The following SLC2A6 variants were observed in gnomAD, a reference collection of about 807,000 sequenced individuals.
SLC2A6 encodes solute carrier family 2 member 6, also known as solute carrier family 2, facilitated glucose transporter member 6.
In SLC2A6, 39 loss-of-function variants were observed where a neutral mutation model predicts 47.8. That is an observed-to-expected ratio of 0.82 (90% CI 0.63 to 1.07). The LOEUF is 1.07. Ranked by LOEUF, SLC2A6 falls within the 50% of genes least tolerant of loss-of-function variation. The pLI, the probability that SLC2A6 is intolerant of heterozygous loss-of-function variation, is 0.00. For missense variants in SLC2A6, 650 were observed against 707.6 expected (o/e 0.92, Z 0.92); for synonymous variants, 346 against 324.1 (o/e 1.07, Z -0.73).
In SLC2A6 at chr9:133,479,060, G is replaced by A. The variant is rs892829170; in HGVS notation, c.-1C>T. The A allele has an allele frequency of 6.3e-7, 1 of 1,594,668 alleles. No homozygotes were observed. Among genetic ancestry groups the A allele is most frequent in the East Asian group, 2.3e-5 (1 of 43,686 alleles). On this transcript the variant is annotated 5_prime_UTR_variant, in exon 1 of 10. Coordinates refer to ENST00000371899, the MANE Select transcript of SLC2A6 (RefSeq NM_017585.4). ...CGGCTCCCAGCAGCGGCTCCTGCATGGCCGGGTCTCTCTCGGGGCGAGCGG... is the reference window on the plus strand; with the variant it reads ...CGGCTCCCAGCAGCGGCTCCTGCATAGCCGGGTCTCTCTCGGGGCGAGCGG...
intron 1 of SLC2A6, 99 bp downstream of exon 1, chr9:133,478,869 T>G (rs1302755181): frequency 2.8e-6 from 3 of 1,063,764 alleles, no homozygotes; most frequent in Non-Finnish European, 2.7e-6. Flanking sequence ...CGGTGGCGAC[T>G]AGGTCAGGGG....
Position 133,472,139 on chromosome 9 carries a change from G to A in SLC2A6, c.1406C>T (p.Ala469Val), listed in dbSNP as rs146699447. The change falls in exon 10 of 10, where the codon GCG becomes GTG. Residue 469 changes from alanine to valine, a missense_variant. Ala to Val is a moderately conservative substitution (Grantham distance 64, BLOSUM62 0). Transcript: ENST00000371899. ...CACCAGGCTCACCAAGCAGATGGCC[G>A]CGAAGAAGAAGAAAGGCACCTGGAG... ...FGLQVPFFFFAAICLVSLVFT... is the reference protein window; with the variant it reads ...FGLQVPFFFFVAICLVSLVFT... The A allele has an allele frequency of 4.5e-5, 72 of 1,613,324 alleles. No homozygotes were observed. Among genetic ancestry groups the A allele is most frequent in the Non-Finnish European group, 5.7e-5 (67 of 1,179,922 alleles).
intron 9 of SLC2A6, 50 bp from the exon 10 acceptor site, chr9:133,472,226 C>T (rs370504158): frequency 3.7e-6 from 6 of 1,602,144 alleles, no homozygotes; most frequent in Non-Finnish European, 3.4e-6. Flanking sequence ...CCAGGGTCCT[C>T]CTGCCCCAGA....
Position 133,478,308 on chromosome 9 carries a change from C to G in SLC2A6, c.201G>C (p.Glu67Asp), listed in dbSNP as rs1554803867. Reference sequence around the variant, plus strand: ...GATGCAGGTCAGGATCCAAGGAGCGCTCCAGGGCTGGGATGACAGGGGATG... The same window carrying G: ...GATGCAGGTCAGGATCCAAGGAGCGGTCCAGGGCTGGGATGACAGGGGATG... ...VYTSPVIPALERSLDPDLHLT... is the reference protein window; with the variant it reads ...VYTSPVIPALDRSLDPDLHLT... Residue 67 changes from glutamate (E) to aspartate (D), a missense_variant, in exon 2 of 10, where the codon GAG (glutamate) becomes GAC (aspartate). Physicochemically the swap from Glu to Asp is conservative, Grantham distance 45. Transcript: ENST00000371899. The G allele has an allele frequency of 6.2e-7, 1 of 1,614,122 alleles. No homozygotes were observed. Among genetic ancestry groups the G allele is most frequent in the Admixed American group, 1.7e-5 (1 of 60,034 alleles).
chr9:133,472,264 C>A, intron 9 of SLC2A6, 88 bp from the exon 10 acceptor site: 1 of 1,501,316 alleles, frequency 6.7e-7, no homozygotes, highest in Non-Finnish European at 9.0e-7. Context: ...CTGGTAGTGA[C>A]CAGCCCTGTG....
intron 6 of SLC2A6, among the ~76,000 whole-genome samples, chr9:133,474,409 C>T (rs1843863455): frequency 6.6e-6 from 1 of 152,230 alleles, no homozygotes; most frequent in Non-Finnish European, 1.5e-5. Flanking sequence ...TGGAGATGTG[C>T]TGCTATCTTC....
rs781864657 is a variant in SLC2A6, at chr9:133,475,594, G to A, written c.580C>T (p.Arg194Cys). 5 of 1,599,264 alleles carry A rather than the reference G, an allele frequency of 3.1e-6. No individual in the cohort carries two copies. Among genetic ancestry groups the A allele is most frequent in the African/African-American group, 1.3e-5 (1 of 74,800 alleles). Residue 194 changes from arginine (R) to cysteine (C), a missense_variant, in exon 5 of 10, where the codon CGC becomes TGC. By Grantham distance (180) the Arg-to-Cys change is radical. Coordinates refer to ENST00000371899, the MANE Select transcript of SLC2A6 (RefSeq NM_017585.4). ...GCCTCCCCGGCCACAGCCAGCCAGC[G>A]CCACGGCAGCAGGAGGCCTGGGGGC... ...LYALGLLLPW[R>C]WLAVAGEAPV...
At position 133,471,979 on chromosome 9, in the gene SLC2A6, C is replaced by T; in HGVS notation, c.*42G>A. The T allele has an allele frequency of 6.3e-7, 1 of 1,596,380 alleles. No homozygotes were observed. The highest frequency in any genetic ancestry group is 8.6e-7 in the Non-Finnish European group (1 of 1,168,548). On this transcript the variant is annotated 3_prime_UTR_variant, in exon 10 of 10. Coordinates refer to ENST00000371899, the MANE Select transcript of SLC2A6 (RefSeq NM_017585.4). ...CAGGTTTGTAGCCAACACAGAGGCCCAGCCACTGGGGGTTTGGCCCCCTCC... is the reference window on the plus strand; with the variant it reads ...CAGGTTTGTAGCCAACACAGAGGCCTAGCCACTGGGGGTTTGGCCCCCTCC...
In SLC2A6 at chr9:133,474,948, G is replaced by A; in HGVS notation, c.927+13C>T. 1 of 1,519,626 alleles carries A rather than the reference G, an allele frequency of 6.6e-7. No individual in the cohort carries two copies. 94.1% of individuals were successfully genotyped at this position (1,519,626 alleles called of 1,614,324 possible). ...ACCCCGTGGGTGGGCGCCGGCCGGG[G>A]CTGGGCTCTCACCAGCAGGACAGCG... On this transcript the variant is annotated intron_variant, in intron 6 of 9. Coordinates refer to ENST00000371899, the MANE Select transcript of SLC2A6 (RefSeq NM_017585.4).
At chr9:133,473,755 CGT>C (rs1272959582) in intron 7 of SLC2A6, 155 bp from the exon 8 acceptor site, 1 of 835,044 alleles carries the variant, frequency 1.2e-6, no homozygotes, top group Non-Finnish European at 1.8e-6. Context: ...TCTCCAGCCG[CGT>C]GTTAGGCTCC....
In SLC2A6 at chr9:133,472,099, A is replaced by G. The variant is rs782479314; in HGVS notation, c.1446T>C (p.Cys482=). The G allele has an allele frequency of 1.2e-6, 2 of 1,613,404 alleles. No homozygotes were observed. The highest frequency in any genetic ancestry group is 2.2e-5 in the East Asian group (1 of 44,844). The change falls in exon 10 of 10, where the codon TGT becomes TGC. Residue 482 remains cysteine, a synonymous_variant. Coordinates refer to ENST00000371899, the MANE Select transcript of SLC2A6 (RefSeq NM_017585.4). The stretch of plus-strand genomic sequence containing the variant: ...GGGACCGTCCCTTGGTCTCGGGCAC[A>G]CAGCAGCCTGTGAACACCAGGCTCA... ...CLVSLVFTGC[C]VPETKGRSLE... is the part of the protein sequence containing the mutation.
intron 7 of SLC2A6, 52 bp downstream of exon 7, chr9:133,473,928 C>T: frequency 7.0e-7 from 1 of 1,420,386 alleles, no homozygotes; most frequent in Non-Finnish European, 9.7e-7. Flanking sequence ...CCCAGCCCAG[C>T]CCTGACCCAT....
At chr9:133,475,759 TG>T in intron 4 of SLC2A6, 148 bp from the exon 5 acceptor site, 1 of 747,122 alleles carries the variant, frequency 1.3e-6, no homozygotes, top group Non-Finnish European at 2.1e-6. Context: ...CCAGGCAGGG[TG>T]GGGCTGCAGG....
chr9:133,472,817 G>A (rs1471817824), intron 9 of SLC2A6, among the ~76,000 whole-genome samples: 4 of 152,148 alleles, frequency 2.6e-5, no homozygotes, highest in Non-Finnish European at 2.9e-5. Flanking sequence ...GGTGGCTTCC[G>A]GGGCCCCTGG....
rs1554804222 is a variant in SLC2A6, at chr9:133,479,048, C to T, written c.12G>A (p.Pro4=). The T allele has an allele frequency of 1.9e-6, 3 of 1,597,348 alleles. 1 individual carries two copies. The South Asian group carries it at 3.3e-5, about 18-fold the overall frequency. MQE[P]LLGAEGPDYD... ...AGTCCGGGCCCTCGGCTCCCAGCAG[C>T]GGCTCCTGCATGGCCGGGTCTCTCT... Residue 4 remains proline, a synonymous_variant, in exon 1 of 10, where the codon CCG becomes CCA. Coordinates refer to ENST00000371899, the MANE Select transcript of SLC2A6 (RefSeq NM_017585.4).
At position 133,475,395 on chromosome 9, in the gene SLC2A6, T is replaced by C; in HGVS notation, c.774+5A>G. Reference sequence around the variant, plus strand: ...TGCCCGGTTCGGGCGCACACCCTCCTGCACCTGTCTCCGGACGTTGTCCTG... The same window carrying C: ...TGCCCGGTTCGGGCGCACACCCTCCCGCACCTGTCTCCGGACGTTGTCCTG... On this transcript the variant is annotated splice_donor_5th_base_variant and intron_variant, in intron 5 of 9. Transcript: ENST00000371899. 1 of 1,593,526 alleles carries C rather than the reference T, an allele frequency of 6.3e-7. No individual in the cohort carries two copies. The highest frequency in any genetic ancestry group is 8.6e-7 in the Non-Finnish European group (1 of 1,168,460).
At position 133,471,700 on chromosome 9, in the gene SLC2A6, G is replaced by T. The variant is rs1554801477; in HGVS notation, c.*321C>A. ...TCCTCCCCGTAGCCTTCTGTGGGGCGTGTCCTTCACGCAAGGGAAAGGGAC... is the reference window on the plus strand; with the variant it reads ...TCCTCCCCGTAGCCTTCTGTGGGGCTTGTCCTTCACGCAAGGGAAAGGGAC... On this transcript the variant is annotated 3_prime_UTR_variant, in exon 10 of 10. Coordinates refer to ENST00000371899, the MANE Select transcript of SLC2A6 (RefSeq NM_017585.4). 3.7e-6 allele frequency: 1 copy of T among 269,868 alleles called. No individual in the cohort carries two copies. The highest frequency in any genetic ancestry group is 2.2e-5 in the African/African-American group (1 of 45,468). 16.7% of individuals were successfully genotyped at this position (269,868 alleles called of 1,614,324 possible). A position where few individuals can be genotyped will look rare whatever the true frequency, so the allele number is the denominator to read the frequency against.
At chr9:133,475,197 G>C in intron 5 of SLC2A6, 84 bp from the exon 6 acceptor site, 2 of 1,432,250 alleles carry the variant, frequency 1.4e-6, no homozygotes, top group Non-Finnish European at 1.8e-6. Flanking sequence ...GGGGTTGTGT[G>C]GGAGACCTCC....
Position 133,471,850 on chromosome 9 carries a change from A to G in SLC2A6, c.*171T>C. ...GGGGCTGTGGCTGGACAGCAGTGCT[A>G]CCTGTCCCGAGCCAGGGGCACCCGC... On this transcript the variant is annotated 3_prime_UTR_variant, in exon 10 of 10. Coordinates refer to ENST00000371899, the MANE Select transcript of SLC2A6 (RefSeq NM_017585.4). 1 of 701,366 alleles carries G rather than the reference A, an allele frequency of 1.4e-6. No individual in the cohort carries two copies. The highest frequency in any genetic ancestry group is 2.7e-5 in the East Asian group (1 of 36,442). 43.4% of individuals were successfully genotyped at this position (701,366 alleles called of 1,614,324 possible).
Sources: allele counts gnomAD v4.1 joint callset (sites outside exome capture counted in the v4.1 genomes callset), GRCh38; gene constraint gnomAD v4.1.1; transcripts MANE v1.5; gene names NCBI Gene and HGNC (gene_info 2026-07-23, HGNC 2026-07-21).